ZBTB16: variants seen among roughly 807,000 people sequenced by gnomAD.
ZBTB16 encodes the protein zinc finger and BTB domain containing 16.
ZBTB16 carries 8 observed loss-of-function variants against 56.8 expected under a neutral mutation model. The observed-to-expected ratio is 0.14, with a 90% CI of 0.08 to 0.25. ZBTB16 has a LOEUF of 0.25. Ranked by LOEUF, ZBTB16 falls within the 10% of genes least tolerant of loss-of-function variation. The probability of loss-of-function intolerance (pLI) is 1.00; values close to 1 mark genes in which losing one functional copy is unlikely to be tolerated. For synonymous variants in ZBTB16, 363 were observed against 368.5 expected, an observed-to-expected ratio of 0.98 and a Z score of 0.17; for missense variants, 625 against 903.0, an observed-to-expected ratio of 0.69 and a Z score of 3.95.
At chr11:114,233,459 C>T (rs977532583) in intron 4 of ZBTB16, among the ~76,000 whole-genome samples, 6 of 152,028 alleles carry the variant, frequency 3.9e-5, no homozygotes. Flanking sequence ...CCCTTCCTGC[C>T]AGAGGCCCCT....
chr11:114,209,083 T>A (rs1169659186), intron 4 of ZBTB16, among the ~76,000 whole-genome samples: 1 of 152,122 alleles, frequency 6.6e-6, no homozygotes, highest in Non-Finnish European at 1.5e-5. Flanking sequence ...CGAAGATAAC[T>A]TGCCCCCAGG....
At chr11:114,110,190 C>T (rs1001392052) in intron 2 of ZBTB16, among the ~76,000 whole-genome samples, 1 of 152,026 alleles carries the variant, frequency 6.6e-6, no homozygotes, top group Non-Finnish European at 1.5e-5. Flanking sequence ...GTGCCCCCAC[C>T]CCCTTTTCCT....
At position 114,244,878 on chromosome 11, in the gene ZBTB16, C is replaced by T. The variant is rs551166368; in HGVS notation, c.1625-2320C>T. ...CCCCACCGCCGCCTTCACCCCCACCCGGCTGGGTGGCTGCCGATGTACGTT... is the reference window on the plus strand; with the variant it reads ...CCCCACCGCCGCCTTCACCCCCACCTGGCTGGGTGGCTGCCGATGTACGTT... On this transcript the variant is annotated intron_variant, in intron 5 of 6. Coordinates refer to ENST00000335953, the MANE Select transcript of ZBTB16 (RefSeq NM_006006.6). Among the ~76,000 whole-genome samples, 1,087 of 152,326 alleles carry T rather than the reference C, an allele frequency of 7.1e-3. 12 individuals are homozygous for T. Among genetic ancestry groups the T allele is most frequent in the African/African-American group, 0.025 (1,022 of 41,570 alleles).
chr11:114,080,409 G>T (rs562735122), intron 2 of ZBTB16, among the ~76,000 whole-genome samples: 1 of 152,166 alleles, frequency 6.6e-6, no homozygotes, highest in South Asian at 2.1e-4. Context: ...CAGGGGCCTT[G>T]TGCTGAGCTG....
At chr11:114,246,353 T>C (rs1032825955) in intron 5 of ZBTB16, among the ~76,000 whole-genome samples, 3 of 152,228 alleles carry the variant, frequency 2.0e-5, no homozygotes, top group Non-Finnish European at 4.4e-5. Flanking sequence ...CTCAGCTCCT[T>C]ACTTGCCGTT....
intron 4 of ZBTB16, among the ~76,000 whole-genome samples, chr11:114,236,533 G>A (rs1237539882): frequency 6.6e-6 from 1 of 152,170 alleles, no homozygotes; most frequent in Non-Finnish European, 1.5e-5. Flanking sequence ...GACACGGGGG[G>A]CCTCAGTGAG....
chr11:114,222,432 G>A (rs1287533882), intron 4 of ZBTB16, among the ~76,000 whole-genome samples: 1 of 152,164 alleles, frequency 6.6e-6, no homozygotes, highest in Non-Finnish European at 1.5e-5. Context: ...GGGGAATCAG[G>A]AAGTGTAGGA....
chr11:114,104,390 C>G (rs1455304174), intron 2 of ZBTB16, among the ~76,000 whole-genome samples: 3 of 152,148 alleles, frequency 2.0e-5, no homozygotes, highest in Admixed American at 2.0e-4. Context: ...ACTCCCAGCA[C>G]CCAAGATGTA....
At chr11:114,117,017 G>A (rs1941192977) in intron 2 of ZBTB16, among the ~76,000 whole-genome samples, 1 of 152,164 alleles carries the variant, frequency 6.6e-6, no homozygotes, top group African/African-American at 2.4e-5. Context: ...ACTAGGTTTT[G>A]GGAGGGGCTA....
Position 114,093,834 on chromosome 11 carries a change from G to A in ZBTB16, c.1268+29266G>A, listed in dbSNP as rs538491261. Reference sequence around the variant, plus strand: ...CATTTTCTAGATAGTTTCTAAAAAAGGCATCACACCAGCTCTTTGAGACAA... The same window carrying A: ...CATTTTCTAGATAGTTTCTAAAAAAAGCATCACACCAGCTCTTTGAGACAA... On this transcript the variant is annotated intron_variant, in intron 2 of 6. Coordinates refer to ENST00000335953, the MANE Select transcript of ZBTB16 (RefSeq NM_006006.6). Among the ~76,000 whole-genome samples the A allele has an allele frequency of 3.9e-5, 6 of 152,146 alleles. No homozygotes were observed. The South Asian group carries it at 1.2e-3, about 32-fold the overall frequency.
intron 2 of ZBTB16, among the ~76,000 whole-genome samples, chr11:114,134,601 C>G (rs1031126593): frequency 6.6e-6 from 1 of 152,302 alleles, no homozygotes; most frequent in Admixed American, 6.5e-5. Context: ...TTAATTAGCA[C>G]AGTTGAAGTA....
At chr11:114,243,728 G>A (rs1244875369) in intron 5 of ZBTB16, among the ~76,000 whole-genome samples, 1 of 152,140 alleles carries the variant, frequency 6.6e-6, no homozygotes, top group African/African-American at 2.4e-5. Flanking sequence ...AGGTTCATTC[G>A]GTCTTATGAA....
chr11:114,162,563 G>A (rs1393857241), intron 3 of ZBTB16, among the ~76,000 whole-genome samples: 1 of 152,144 alleles, frequency 6.6e-6, no homozygotes, highest in Non-Finnish European at 1.5e-5. Flanking sequence ...GCTTGTGAGA[G>A]CCCATGGCCA....
intron 2 of ZBTB16, among the ~76,000 whole-genome samples, chr11:114,092,030 T>A (rs1940211764): frequency 6.6e-6 from 1 of 152,200 alleles, no homozygotes. Context: ...GCAGTAGGAC[T>A]GAGCAGAGGG....
In ZBTB16 at chr11:114,233,125, A is replaced by ACACACACT. The variant is rs1443230792; in HGVS notation, c.1454-9041_1454-9040insACACACTC. ...CACACACACACACACACACACACAC[A>ACACACACT]CTCTCTCTCTCTCACACTCCCTTTC... On this transcript the variant is annotated intron_variant, in intron 4 of 6. Transcript: ENST00000335953. Among the ~76,000 whole-genome samples the ACACACACT allele has an allele frequency of 1.0e-3, 56 of 54,768 alleles. 1 individual carries two copies. The highest frequency in any genetic ancestry group is 2.7e-3 in the African/African-American group (52 of 19,458). 35.9% of individuals were successfully genotyped at this position (54,768 alleles called of 152,430 possible).
chr11:114,224,977 G>A (rs759119610), intron 4 of ZBTB16, among the ~76,000 whole-genome samples: 1 of 152,222 alleles, frequency 6.6e-6, no homozygotes, highest in South Asian at 2.1e-4. Context: ...GTGAGCAATT[G>A]GGAGGTAGAG....
chr11:114,230,683 C>T (rs1160465332), intron 4 of ZBTB16, among the ~76,000 whole-genome samples: 2 of 149,646 alleles, frequency 1.3e-5, no homozygotes, highest in South Asian at 2.1e-4. Context: ...AAAATGAATA[C>T]ATCCTCTCCT....
chr11:114,083,238 G>T (rs1939837051), intron 2 of ZBTB16, among the ~76,000 whole-genome samples: 1 of 152,180 alleles, frequency 6.6e-6, no homozygotes, highest in Non-Finnish European at 1.5e-5. Context: ...TTTAAAAAAA[G>T]AAGTTGAAAG....
intron 3 of ZBTB16, among the ~76,000 whole-genome samples, chr11:114,161,075 C>T (rs957438219): frequency 1.3e-5 from 2 of 152,138 alleles, no homozygotes; most frequent in South Asian, 2.1e-4. Context: ...ACTGTCTCTT[C>T]GCCACTCCTT....
Sources: gnomAD v4.1 joint callset for allele counts (sites outside exome capture counted in the v4.1 genomes callset) on GRCh38, gnomAD v4.1.1 for gene constraint, MANE v1.5 for transcripts, NCBI Gene and HGNC (gene_info 2026-07-23, HGNC 2026-07-21) for gene names.